Variants in PPP2R5E observed in about 807,000 individuals in gnomAD.
PPP2R5E encodes serine/threonine-protein phosphatase 2A 56 kDa regulatory subunit epsilon isoform.
A neutral mutation model predicts 65.3 loss-of-function variants in PPP2R5E; 4 were observed. The ratio of observed to expected loss-of-function variants is 0.06; its 90% CI spans 0.03 to 0.14. The LOEUF (loss-of-function observed/expected upper bound fraction) is 0.14, where lower values mean the gene tolerates loss of function less well. Ranked by LOEUF, PPP2R5E falls within the 10% of genes least tolerant of loss-of-function variation. The pLI is 1.00. For synonymous variants in PPP2R5E, 183 were observed against 187.4 expected (o/e 0.98, Z 0.19); for missense variants, 274 against 556.1 (o/e 0.49, Z 5.10).
At chr14:63,377,336 T>A (rs1431559086) in intron 13 of PPP2R5E, among the ~76,000 whole-genome samples, 1 of 151,818 alleles carries the variant, frequency 6.6e-6, no homozygotes, top group Non-Finnish European at 1.5e-5. Context: ...TCCACATGGG[T>A]TGAGTGAAAT....
At chr14:63,412,586 G>T (rs529922158) in intron 5 of PPP2R5E, among the ~76,000 whole-genome samples, 1 of 152,174 alleles carries the variant, frequency 6.6e-6, no homozygotes, top group Non-Finnish European at 1.5e-5. Flanking sequence ...CGAAGAACTC[G>T]GTCTAGAGGA....
chr14:63,442,770 A>C (rs1888299615), intron 3 of PPP2R5E, among the ~76,000 whole-genome samples: 1 of 152,228 alleles, frequency 6.6e-6, no homozygotes, highest in Admixed American at 6.5e-5. Flanking sequence ...AGTACTATCC[A>C]CAGTTTCAGG....
At chr14:63,431,248 C>A (rs1348482220) in intron 3 of PPP2R5E, among the ~76,000 whole-genome samples, 5 of 147,660 alleles carry the variant, frequency 3.4e-5, no homozygotes, top group African/African-American at 1.3e-4. Context: ...AGCCTGGCGA[C>A]AGAGCTAGAC....
intron 2 of PPP2R5E, chr14:63,508,120 C>A (rs1477528838): frequency 7.1e-6 from 7 of 982,566 alleles, no homozygotes; most frequent in Non-Finnish European, 8.5e-6. Context: ...CACACTTCTA[C>A]ACACACGAGT....
intron 2 of PPP2R5E, among the ~76,000 whole-genome samples, chr14:63,489,095 G>T (rs931238850): frequency 6.6e-6 from 1 of 151,872 alleles, no homozygotes; most frequent in Non-Finnish European, 1.5e-5. Context: ...CCAGGTCTTC[G>T]AACCTCTTTA....
At chr14:63,431,066 G>A (rs970535042) in intron 3 of PPP2R5E, among the ~76,000 whole-genome samples, 5 of 152,040 alleles carry the variant, frequency 3.3e-5, no homozygotes, top group African/African-American at 9.7e-5. Context: ...TCAAGAAATC[G>A]AGACCATCCT....
chr14:63,534,897 G>C (rs1399243478), intron 2 of PPP2R5E, among the ~76,000 whole-genome samples: 4 of 152,146 alleles, frequency 2.6e-5, no homozygotes, highest in African/African-American at 7.2e-5. Flanking sequence ...TGGGATTATA[G>C]GTGTGAGCCA....
chr14:63,444,607 G>GA lies in PPP2R5E; in HGVS notation c.354+9081dup, dbSNP rs200955553. On this transcript the variant is annotated intron_variant, in intron 3 of 13. Coordinates refer to ENST00000337537, the MANE Select transcript of PPP2R5E (RefSeq NM_006246.5). ...GTATCCCCAAAAAAAACATTTTCGAGAAAAAAAAAAGATGTGCAAATATAA... is the reference window on the plus strand; with the variant it reads ...GTATCCCCAAAAAAAACATTTTCGAGAAAAAAAAAAAGATGTGCAAATATAA... Among the ~76,000 whole-genome samples, 814 of 144,926 alleles carry GA rather than the reference G, an allele frequency of 5.6e-3. 5 individuals carry two copies. The highest frequency in any genetic ancestry group is 0.011 in the Middle Eastern group (3 of 284).
rs116431368 is a variant in PPP2R5E at position 63,454,276 on chromosome 14, A to G, written c.158-391T>C. Among the ~76,000 whole-genome samples the G allele has an allele frequency of 5.6e-3, 857 of 152,372 alleles. 10 individuals are homozygous for G. Among genetic ancestry groups the G allele is most frequent in the African/African-American group, 0.018 (769 of 41,590 alleles). Reference sequence around the variant, plus strand: ...GCTGTGGTTTAAATTAGTTTTACTAAAAAATTTCAAAGCAGAAATGTCAGT... The same window carrying G: ...GCTGTGGTTTAAATTAGTTTTACTAGAAAATTTCAAAGCAGAAATGTCAGT... On this transcript the variant is annotated intron_variant, in intron 2 of 13. Transcript: ENST00000337537.
At chr14:63,388,197 A>G (rs1441206443) in intron 11 of PPP2R5E, among the ~76,000 whole-genome samples, 1 of 151,368 alleles carries the variant, frequency 6.6e-6, no homozygotes, top group East Asian at 1.9e-4. Context: ...CTGGAGTACA[A>G]TGGCATGATC....
chr14:63,530,379 C>A (rs976807496), intron 2 of PPP2R5E, among the ~76,000 whole-genome samples: 1 of 151,584 alleles, frequency 6.6e-6, no homozygotes, highest in South Asian at 2.1e-4. Context: ...ACTACAGGCG[C>A]GTGCCACCAT....
chr14:63,419,886 T>C (rs1473664716), intron 4 of PPP2R5E, among the ~76,000 whole-genome samples: 4 of 152,184 alleles, frequency 2.6e-5, no homozygotes, highest in African/African-American at 9.7e-5. Flanking sequence ...CTTCACTGTT[T>C]CTTTGGTTTT....
At chr14:63,413,812 A>G (rs958010060) in intron 5 of PPP2R5E, among the ~76,000 whole-genome samples, 3 of 152,006 alleles carry the variant, frequency 2.0e-5, no homozygotes, top group Admixed American at 6.6e-5. Context: ...TTCCATCTCT[A>G]TTTCAGACCT....
At chr14:63,521,118 C>T (rs971092346) in intron 2 of PPP2R5E, among the ~76,000 whole-genome samples, 53 of 152,148 alleles carry the variant, frequency 3.5e-4, no homozygotes, top group Non-Finnish European at 1.3e-4. Context: ...TGAATACAGT[C>T]TACCACTCCT....
intron 3 of PPP2R5E, among the ~76,000 whole-genome samples, chr14:63,437,938 A>G (rs1009381917): frequency 1.3e-5 from 2 of 151,822 alleles, no homozygotes; most frequent in African/African-American, 4.8e-5. Context: ...CCTCTCCACT[A>G]CTTGGCCAAC....
At chr14:63,406,135 G>T (rs1186154910) in intron 5 of PPP2R5E, among the ~76,000 whole-genome samples, 11 of 152,166 alleles carry the variant, frequency 7.2e-5, no homozygotes, top group African/African-American at 1.9e-4. Flanking sequence ...CTGTTGGCCA[G>T]GCGCAGTGAC....
intron 5 of PPP2R5E, among the ~76,000 whole-genome samples, chr14:63,397,675 T>C (rs1265425806): frequency 6.6e-6 from 1 of 152,008 alleles, no homozygotes; most frequent in Non-Finnish European, 1.5e-5. Context: ...CTGTAAATAG[T>C]CAACGAAGTG....
At chr14:63,491,326 G>A (rs1891274787) in intron 2 of PPP2R5E, among the ~76,000 whole-genome samples, 2 of 151,964 alleles carry the variant, frequency 1.3e-5, no homozygotes, top group Non-Finnish European at 1.5e-5. Context: ...TCAGCATAGA[G>A]TGATATATTC....
intron 3 of PPP2R5E, among the ~76,000 whole-genome samples, chr14:63,440,948 CAAAAAA>C (rs374563795): frequency 8.9e-5 from 6 of 67,642 alleles, no homozygotes; most frequent in South Asian, 6.1e-4. Flanking sequence ...GACTCCATCT[CAAAAAA>C]AAAAAAAAAA....
Sources: gnomAD v4.1 joint callset for allele counts (sites outside exome capture counted in the v4.1 genomes callset) on GRCh38, gnomAD v4.1.1 for gene constraint, MANE v1.5 for transcripts, NCBI Gene and HGNC (gene_info 2026-07-23, HGNC 2026-07-21) for gene names.